Variants in CSMD1 observed in about 807,000 individuals in gnomAD.
The protein encoded by CSMD1 is CUB and Sushi multiple domains 1.
A neutral mutation model predicts 417.5 loss-of-function variants in CSMD1; 213 were observed. The observed-to-expected ratio is 0.51, with a 90% CI of 0.46 to 0.57. The LOEUF is 0.57. Among genes scored for constraint, CSMD1 ranks in the 20% least tolerant of loss-of-function variants. The pLI, the probability that CSMD1 is intolerant of heterozygous loss-of-function variation, is 0.00. For missense variants in CSMD1, 6,923 were observed against 4,529.7 expected, an observed-to-expected ratio of 1.53 and a Z score of -15.17; for synonymous variants, 2,862 against 1,736.8, an observed-to-expected ratio of 1.65 and a Z score of -16.11.
chr8:4,714,231 G>A (rs755615409), intron 1 of CSMD1, among the ~76,000 whole-genome samples: 8 of 151,980 alleles, frequency 5.3e-5, no homozygotes, highest in East Asian at 1.9e-4. Flanking sequence ...CTGTCATTCC[G>A]CCACCTCCCT....
chr8:4,533,551 AT>A (rs200825025), intron 2 of CSMD1, among the ~76,000 whole-genome samples: 11 of 151,642 alleles, frequency 7.3e-5, no homozygotes, highest in South Asian at 2.1e-4. Context: ...ATTCTTGGGA[AT>A]TTTTTTTTCA....
chr8:3,851,110 T>G (rs1040908255), intron 5 of CSMD1, among the ~76,000 whole-genome samples: 4 of 152,232 alleles, frequency 2.6e-5, no homozygotes, highest in African/African-American at 9.6e-5. Flanking sequence ...TCATTAAAGA[T>G]GAATTGTTTT....
intron 2 of CSMD1, among the ~76,000 whole-genome samples, chr8:4,588,070 A>G (rs1400327651): frequency 6.6e-6 from 1 of 152,184 alleles, no homozygotes; most frequent in Non-Finnish European, 1.5e-5. Context: ...AGCAAAATCT[A>G]ATACATGTTC....
chr8:4,380,565 G>A (rs1187003023), intron 3 of CSMD1, among the ~76,000 whole-genome samples: 1 of 152,144 alleles, frequency 6.6e-6, no homozygotes, highest in Non-Finnish European at 1.5e-5. Context: ...GTTTGGGATG[G>A]GACCCGTGGA....
intron 1 of CSMD1, among the ~76,000 whole-genome samples, chr8:4,657,640 G>A (rs1804323907): frequency 6.7e-6 from 1 of 150,342 alleles, no homozygotes; most frequent in Non-Finnish European, 1.5e-5. Flanking sequence ...AGTTACCAAT[G>A]TATAATAGTA....
intron 41 of CSMD1, among the ~76,000 whole-genome samples, chr8:3,139,074 T>A (rs1401079042): frequency 6.6e-6 from 1 of 152,084 alleles, no homozygotes; most frequent in African/African-American, 2.4e-5. Flanking sequence ...ATGGGGGCAC[T>A]GGAGGATAAG....
chr8:3,575,086 A>T lies in CSMD1; in HGVS notation c.1223-20T>A. The T allele has an allele frequency of 6.2e-7, 1 of 1,610,576 alleles. No homozygotes were observed. The highest frequency in any genetic ancestry group is 8.5e-7 in the Non-Finnish European group (1 of 1,178,300). Reference sequence around the variant, plus strand: ...TTCTCGCTGGAAACACATAGAAACGACGTTATTTTCTACAACATTGTGTCA... The same window carrying T: ...TTCTCGCTGGAAACACATAGAAACGTCGTTATTTTCTACAACATTGTGTCA... On this transcript the variant is annotated intron_variant, in intron 9 of 69. Coordinates refer to ENST00000635120, the MANE Select transcript of CSMD1 (RefSeq NM_033225.6).
chr8:3,977,270 T>A (rs1813505882), intron 5 of CSMD1, among the ~76,000 whole-genome samples: 1 of 152,128 alleles, frequency 6.6e-6, no homozygotes, highest in Non-Finnish European at 1.5e-5. Context: ...CACACTATGA[T>A]CCAAGGAGAT....
chr8:3,980,978 C>G (rs2627443), intron 5 of CSMD1, among the ~76,000 whole-genome samples: 89,548 of 152,016 alleles, frequency 0.59, 27,193 homozygotes, highest in East Asian at 0.8. Context: ...GCTCACCTTT[C>G]CCCACCTTTG....
chr8:4,449,528 CTG>C (rs1406301380), intron 2 of CSMD1, among the ~76,000 whole-genome samples: 5 of 152,172 alleles, frequency 3.3e-5, no homozygotes, highest in Non-Finnish European at 7.3e-5. Flanking sequence ...TAGGCTGTGT[CTG>C]TGAGTCACAG....
At position 3,686,247 on chromosome 8, in the gene CSMD1, C is replaced by G. The variant is rs538548811; in HGVS notation, c.1009+22167G>C. On this transcript the variant is annotated intron_variant, in intron 7 of 69. Transcript: ENST00000635120. The stretch of plus-strand genomic sequence containing the variant: ...TTGAGTTACTGACTTCGTGGATAAT[C>G]AGAGCGCTTGGAATACAAGCTAGGA... Among the ~76,000 whole-genome samples the G allele has an allele frequency of 1.8e-4, 28 of 152,204 alleles. No homozygotes were observed. In the South Asian group the frequency reaches 4.6e-3, roughly 25 times the overall value.
At chr8:4,697,029 G>A (rs960202503) in intron 1 of CSMD1, among the ~76,000 whole-genome samples, 4 of 151,948 alleles carry the variant, frequency 2.6e-5, no homozygotes, top group Non-Finnish European at 5.9e-5. Flanking sequence ...AAAATTATCT[G>A]GGCGTGGTGG....
chr8:3,268,838 T>C (rs763343916), intron 26 of CSMD1, among the ~76,000 whole-genome samples: 7 of 152,142 alleles, frequency 4.6e-5, no homozygotes, highest in Non-Finnish European at 1.0e-4. Flanking sequence ...CTGAAATGAC[T>C]GTTGCCTGAG....
At chr8:3,376,631 G>T (rs970139556) in intron 18 of CSMD1, among the ~76,000 whole-genome samples, 1 of 151,524 alleles carries the variant, frequency 6.6e-6, no homozygotes, top group Non-Finnish European at 1.5e-5. Context: ...TTTTCTTTGC[G>T]TTTGTCTTTC....
chr8:3,223,931 TGGAA>T, intron 27 of CSMD1, 64 bp from the exon 28 acceptor site: 5 of 1,534,070 alleles, frequency 3.3e-6, no homozygotes, highest in Admixed American at 3.7e-5. Context: ...CCAGTCAGTG[TGGAA>T]GGAGACACCA....
At chr8:4,667,258 T>C (rs540541694) in intron 1 of CSMD1, among the ~76,000 whole-genome samples, 11 of 152,272 alleles carry the variant, frequency 7.2e-5, no homozygotes, top group African/African-American at 2.6e-4. Flanking sequence ...TACTGTAGCA[T>C]GAAAAGAAAT....
intron 1 of CSMD1, among the ~76,000 whole-genome samples, chr8:4,810,970 GAAAGT>G (rs1798865268): frequency 6.6e-6 from 1 of 152,168 alleles, no homozygotes; most frequent in Non-Finnish European, 1.5e-5. Flanking sequence ...TTAAAGACAA[GAAAGT>G]AAAGAGATAT....
chr8:4,353,145 C>T (rs1454965548), intron 3 of CSMD1, among the ~76,000 whole-genome samples: 1 of 152,110 alleles, frequency 6.6e-6, no homozygotes, highest in African/African-American at 2.4e-5. Context: ...TTGGCTGTGT[C>T]CCCACACAAC....
intron 36 of CSMD1, among the ~76,000 whole-genome samples, chr8:3,182,578 CTGTGTGTGTG>C (rs35090952): frequency 0.072 from 6,685 of 93,304 alleles, 275 homozygotes; most frequent in African/African-American, 0.13. Flanking sequence ...TTATAAGAAG[CTGTGTGTGTG>C]TGTGTGTGTG....
Sources: allele counts gnomAD v4.1 joint callset (sites outside exome capture counted in the v4.1 genomes callset), GRCh38; gene constraint gnomAD v4.1.1; transcripts MANE v1.5; gene names NCBI Gene and HGNC (gene_info 2026-07-23, HGNC 2026-07-21).